The following MARCHF1 variants were observed in gnomAD, a reference collection of about 807,000 sequenced individuals.
MARCHF1 encodes membrane associated ring-CH-type finger 1.
MARCHF1 carries 40 observed loss-of-function variants against 54.2 expected under a neutral mutation model. The observed-to-expected ratio is 0.74, with a 90% CI of 0.57 to 0.96. MARCHF1 has a LOEUF of 0.96. Among genes scored for constraint, MARCHF1 ranks in the 40% least tolerant of loss-of-function variants. The probability of loss-of-function intolerance (pLI) is 0.00; values close to 1 mark genes in which losing one functional copy is unlikely to be tolerated. For missense variants in MARCHF1, 586 were observed against 656.5 expected (o/e 0.89, Z 1.17); for synonymous variants, 236 against 236.3 (o/e 1.00, Z 0.01).
chr4:163,633,188 C>T (rs571141853), intron 5 of MARCHF1, among the ~76,000 whole-genome samples: 5 of 152,290 alleles, frequency 3.3e-5, no homozygotes, highest in African/African-American at 1.2e-4. Flanking sequence ...AATCAGAGCG[C>T]CTCTCCTCCT....
At chr4:164,090,719 TATC>T (rs1428134587) in intron 2 of MARCHF1, among the ~76,000 whole-genome samples, 1 of 152,100 alleles carries the variant, frequency 6.6e-6, no homozygotes, top group African/African-American at 2.4e-5. Context: ...ATAAGAATCT[TATC>T]ATCAGTGGCC....
At chr4:164,148,223 CT>C (rs1729824356) in intron 1 of MARCHF1, among the ~76,000 whole-genome samples, 6 of 151,646 alleles carry the variant, frequency 4.0e-5, no homozygotes, top group Non-Finnish European at 8.8e-5. Context: ...GATATTGGAA[CT>C]ACAACTACTA....
chr4:164,096,047 C>T (rs1450490271), intron 2 of MARCHF1, among the ~76,000 whole-genome samples: 1 of 152,114 alleles, frequency 6.6e-6, no homozygotes, highest in African/African-American at 2.4e-5. Context: ...CCATTTGACC[C>T]AGCAATCCCA....
At chr4:163,689,395 A>G (rs997318684) in intron 5 of MARCHF1, among the ~76,000 whole-genome samples, 1 of 152,230 alleles carries the variant, frequency 6.6e-6, no homozygotes, top group Non-Finnish European at 1.5e-5. Context: ...TAGAGAAGTA[A>G]TATCTGTCTG....
At chr4:164,229,556 C>G (rs1300928378) in intron 1 of MARCHF1, among the ~76,000 whole-genome samples, 1 of 152,152 alleles carries the variant, frequency 6.6e-6, no homozygotes, top group Non-Finnish European at 1.5e-5. Flanking sequence ...ATTATGGCCA[C>G]TGCAGGTGAG....
chr4:163,793,358 C>G (rs1747821925), intron 4 of MARCHF1, among the ~76,000 whole-genome samples: 1 of 152,088 alleles, frequency 6.6e-6, no homozygotes, highest in Non-Finnish European at 1.5e-5. Context: ...CTGGATCTAG[C>G]CCAAGGCCTG....
intron 1 of MARCHF1, among the ~76,000 whole-genome samples, chr4:164,244,254 T>G (rs796311667): frequency 2.2e-4 from 33 of 151,940 alleles, no homozygotes; most frequent in Admixed American, 3.3e-4. Context: ...TATAACAAAC[T>G]ATCTCTCAGA....
chr4:164,299,190 G>A (rs975193533), intron 1 of MARCHF1, among the ~76,000 whole-genome samples: 3 of 152,070 alleles, frequency 2.0e-5, no homozygotes, highest in Non-Finnish European at 4.4e-5. Flanking sequence ...TTTGTGCAAG[G>A]AGGTAGTATT....
chr4:163,973,724 T>C (rs868216987), intron 3 of MARCHF1, among the ~76,000 whole-genome samples: 22 of 151,666 alleles, frequency 1.5e-4, no homozygotes, highest in African/African-American at 4.8e-4. Context: ...GACACCAGAG[T>C]TCTGAGAAAG....
At chr4:164,081,572 C>T (rs189187277) in intron 2 of MARCHF1, among the ~76,000 whole-genome samples, 6 of 152,090 alleles carry the variant, frequency 3.9e-5, no homozygotes, top group Admixed American at 6.5e-5. Flanking sequence ...TATGAGTGCT[C>T]CTCTTCCTTC....
intron 2 of MARCHF1, among the ~76,000 whole-genome samples, chr4:164,041,991 A>G (rs912375396): frequency 2.0e-5 from 3 of 152,190 alleles, no homozygotes; most frequent in African/African-American, 7.2e-5. Flanking sequence ...CCCTATTCAC[A>G]TGACTTATAA....
At chr4:164,106,673 G>A (rs1408202696) in intron 2 of MARCHF1, among the ~76,000 whole-genome samples, 3 of 148,712 alleles carry the variant, frequency 2.0e-5, no homozygotes, top group East Asian at 2.0e-4. Flanking sequence ...GCTAGATGAC[G>A]AGTTAGTGGG....
intron 3 of MARCHF1, among the ~76,000 whole-genome samples, chr4:163,938,343 T>G (rs1579407233): frequency 6.6e-6 from 1 of 152,182 alleles, no homozygotes. Flanking sequence ...TCCTCCCTGA[T>G]GTAAGGCATT....
intron 2 of MARCHF1, among the ~76,000 whole-genome samples, chr4:164,068,891 T>C (rs1318519803): frequency 6.6e-6 from 1 of 152,186 alleles, no homozygotes; most frequent in Non-Finnish European, 1.5e-5. Context: ...GCACTCTGTA[T>C]CTAGCTCAAG....
At chr4:164,141,911 G>T (rs36067978) in intron 1 of MARCHF1, among the ~76,000 whole-genome samples, 1 of 145,774 alleles carries the variant, frequency 6.9e-6, no homozygotes, top group Non-Finnish European at 1.5e-5. Flanking sequence ...CTGAGGTACC[G>T]GGTTCATCTC....
rs377554037 is a variant in MARCHF1, at chr4:163,642,258, G to C, written c.163-28865C>G. Among the ~76,000 whole-genome samples, 7 of 152,184 alleles carry C rather than the reference G, an allele frequency of 4.6e-5. No individual in the cohort carries two copies. In the East Asian group the frequency reaches 1.3e-3, roughly 29 times the overall value. ...GATTTTAGGTTTCTGTTGCTCCCCA[G>C]GGGAAAAGACAGACTTATACATTCT... On this transcript the variant is annotated intron_variant, in intron 5 of 9. Coordinates refer to ENST00000514618, the MANE Select transcript of MARCHF1 (RefSeq NM_001394959.1).
intron 3 of MARCHF1, among the ~76,000 whole-genome samples, chr4:163,973,721 G>C (rs925200862): frequency 2.6e-5 from 4 of 152,156 alleles, no homozygotes; most frequent in African/African-American, 9.6e-5. Context: ...AATGACACCA[G>C]AGTTCTGAGA....
intron 1 of MARCHF1, among the ~76,000 whole-genome samples, chr4:164,164,516 A>G (rs1730321544): frequency 6.6e-6 from 1 of 152,044 alleles, no homozygotes; most frequent in Admixed American, 6.6e-5. Flanking sequence ...AACCCTGAAA[A>G]CTTCTAGCCG....
At chr4:163,667,562 G>C (rs1408280507) in intron 5 of MARCHF1, among the ~76,000 whole-genome samples, 1 of 151,998 alleles carries the variant, frequency 6.6e-6, no homozygotes, top group Non-Finnish European at 1.5e-5. Context: ...TATTCCAGGG[G>C]AGATCTCTGT....
Sources: allele counts gnomAD v4.1 joint callset (sites outside exome capture counted in the v4.1 genomes callset), GRCh38; gene constraint gnomAD v4.1.1; transcripts MANE v1.5; gene names NCBI Gene and HGNC (gene_info 2026-07-23, HGNC 2026-07-21).